STPG2: variants seen among roughly 807,000 people sequenced by gnomAD.
STPG2 encodes sperm tail PG-rich repeat containing 2.
A neutral mutation model predicts 54.2 loss-of-function variants in STPG2; 56 were observed. That is an observed-to-expected ratio of 1.03 (90% CI 0.83 to 1.29). The LOEUF (loss-of-function observed/expected upper bound fraction) is 1.29, where lower values mean the gene tolerates loss of function less well. Ranked by LOEUF, STPG2 falls within the 50% of genes most tolerant of loss-of-function variation. The probability of loss-of-function intolerance (pLI) is 0.00; values close to 1 mark genes in which losing one functional copy is unlikely to be tolerated. For missense variants in STPG2, 596 were observed against 544.9 expected, an observed-to-expected ratio of 1.09 and a Z score of -0.93; for synonymous variants, 200 against 181.8, an observed-to-expected ratio of 1.10 and a Z score of -0.81.
At chr4:97,848,283 A>G (rs1352934075) in intron 8 of STPG2, among the ~76,000 whole-genome samples, 3 of 152,220 alleles carry the variant, frequency 2.0e-5, no homozygotes. Context: ...ACATAAACAT[A>G]AATAGCACAC....
chr4:97,720,882 C>T (rs145120357), intron 9 of STPG2, among the ~76,000 whole-genome samples: 2,776 of 151,958 alleles, frequency 0.018, 35 homozygotes, highest in Non-Finnish European at 0.027. Context: ...GAGTTAAATG[C>T]TATTTTTCTA....
At chr4:97,629,017 C>T (rs540932142) in intron 10 of STPG2, among the ~76,000 whole-genome samples, 1 of 151,850 alleles carries the variant, frequency 6.6e-6, no homozygotes, top group African/African-American at 2.4e-5. Flanking sequence ...CTTTAAATAT[C>T]ACTACTATCT....
Position 97,482,446 on chromosome 4 carries a change from T to A in STPG2, c.462+230253A>T, listed in dbSNP as rs145707623. Among the ~76,000 whole-genome samples, 637 of 151,510 alleles carry A rather than the reference T, an allele frequency of 4.2e-3. 3 individuals are homozygous for A. Among genetic ancestry groups the A allele is most frequent in the South Asian group, 0.02 (97 of 4,806 alleles). ...TGTCTAAGAAATAGAATTGAATGAG[T>A]AGAATAAAGAAATTCAGAGCTCAAA... On this transcript the variant is annotated intron_variant, in intron 4 of 4. Coordinates refer to the STPG2 transcript ENST00000522676.
chr4:97,457,471 A>G (rs1411273022), intron 4 of STPG2, among the ~76,000 whole-genome samples: 1 of 152,214 alleles, frequency 6.6e-6, no homozygotes, highest in Non-Finnish European at 1.5e-5. Flanking sequence ...TTAACTAGGA[A>G]CATTCCCCTT....
intron 10 of STPG2, among the ~76,000 whole-genome samples, chr4:97,577,766 C>G (rs1054383015): frequency 6.6e-6 from 1 of 152,084 alleles, no homozygotes; most frequent in Non-Finnish European, 1.5e-5. Flanking sequence ...CTTTTTCTTT[C>G]TTTTCACATC....
chr4:97,743,806 A>G (rs1421281898), intron 9 of STPG2, among the ~76,000 whole-genome samples: 1 of 151,574 alleles, frequency 6.6e-6, no homozygotes, highest in East Asian at 1.9e-4. Flanking sequence ...TGCTTGGAAG[A>G]ATGGGAAAAA....
chr4:97,839,840 T>TA (rs1486892833), intron 9 of STPG2, among the ~76,000 whole-genome samples: 4 of 151,836 alleles, frequency 2.6e-5, no homozygotes, highest in Non-Finnish European at 5.9e-5. Flanking sequence ...AGTTTTTCAT[T>TA]AAAAACTTTG....
chr4:97,838,106 A>T (rs988147317), intron 9 of STPG2, among the ~76,000 whole-genome samples: 1 of 151,618 alleles, frequency 6.6e-6, no homozygotes, highest in Non-Finnish European at 1.5e-5. Context: ...GTGTACACAC[A>T]TATATACATA....
intron 5 of STPG2, among the ~76,000 whole-genome samples, chr4:97,994,000 T>C (rs569698731): frequency 4.0e-4 from 61 of 152,196 alleles, no homozygotes; most frequent in Non-Finnish European, 8.4e-4. Flanking sequence ...ATCTCACTAA[T>C]GATCTATTAA....
chr4:97,928,316 C>G (rs1732410600), intron 8 of STPG2, among the ~76,000 whole-genome samples: 3 of 152,090 alleles, frequency 2.0e-5, no homozygotes, highest in Admixed American at 2.0e-4. Flanking sequence ...GTATTGTGTA[C>G]TCCTTACTTT....
intron 10 of STPG2, 117 bp from the exon 11 acceptor site, chr4:97,559,234 T>C (rs1732159704): frequency 1.5e-6 from 1 of 680,484 alleles, no homozygotes; most frequent in Non-Finnish European, 2.5e-6. Flanking sequence ...AGAAGTTAAA[T>C]ATATAAAATG....
chr4:97,993,065 T>C (rs536741036), intron 5 of STPG2, among the ~76,000 whole-genome samples: 1 of 152,302 alleles, frequency 6.6e-6, no homozygotes, highest in South Asian at 2.1e-4. Context: ...CCAATTTGGA[T>C]ACCCTTTATT....
intron 5 of STPG2, among the ~76,000 whole-genome samples, chr4:98,006,977 C>T (rs921745966): frequency 1.8e-4 from 28 of 152,088 alleles, no homozygotes; most frequent in Admixed American, 2.0e-4. Context: ...CTGGCAACTG[C>T]CCCCCAGATC....
intron 9 of STPG2, among the ~76,000 whole-genome samples, chr4:97,822,398 C>G (rs764417139): frequency 1.3e-5 from 2 of 152,210 alleles, no homozygotes; most frequent in African/African-American, 2.4e-5. Context: ...TTTTCCTCAT[C>G]TTTCTGTCTT....
chr4:98,089,877 C>T (rs536946835), intron 5 of STPG2, among the ~76,000 whole-genome samples: 1 of 151,984 alleles, frequency 6.6e-6, no homozygotes, highest in South Asian at 2.1e-4. Flanking sequence ...ATGTCCTTTG[C>T]CCCCCTTTTG....
At chr4:97,451,083 T>G (rs970945120) in intron 4 of STPG2, among the ~76,000 whole-genome samples, 1 of 152,114 alleles carries the variant, frequency 6.6e-6, no homozygotes, top group Non-Finnish European at 1.5e-5. Flanking sequence ...TATCTACAAA[T>G]AGACTACTGA....
intron 7 of STPG2, among the ~76,000 whole-genome samples, chr4:97,948,521 T>C (rs190304631): frequency 9.2e-4 from 140 of 152,208 alleles, no homozygotes; most frequent in Admixed American, 2.0e-3. Context: ...TGTCAGTTTG[T>C]GGTCTTTCAG....
At chr4:97,939,176 C>T (rs1031139577) in intron 8 of STPG2, among the ~76,000 whole-genome samples, 9 of 151,906 alleles carry the variant, frequency 5.9e-5, no homozygotes, top group African/African-American at 1.7e-4. Context: ...TCCAAGGATG[C>T]GTTTGGTATG....
Position 97,559,085 on chromosome 4 carries a change from A to C in STPG2, c.1353T>G (p.Ile451Met). 6.2e-7 allele frequency: 1 copy of C among 1,604,292 alleles called. No homozygotes were observed. Among genetic ancestry groups the C allele is most frequent in the African/African-American group, 1.3e-5 (1 of 74,596 alleles). Residue 451 changes from isoleucine to methionine, a missense_variant, in exon 11 of 11, where the codon ATT (isoleucine) becomes ATG (methionine). Physicochemically the swap from Ile to Met is conservative, Grantham distance 10. Coordinates refer to ENST00000295268, the MANE Select transcript of STPG2 (RefSeq NM_174952.3). ...ISQEKKKGNL[I>M]GEMAADIM ...ACATTATATCAGCAGCCATTTCACCAATGAGATTTCCTTTCTTTTTCTCCT... is the reference window on the plus strand; with the variant it reads ...ACATTATATCAGCAGCCATTTCACCCATGAGATTTCCTTTCTTTTTCTCCT...
Sources: allele counts gnomAD v4.1 joint callset (sites outside exome capture counted in the v4.1 genomes callset), GRCh38; gene constraint gnomAD v4.1.1; transcripts MANE v1.5; gene names NCBI Gene and HGNC (gene_info 2026-07-23, HGNC 2026-07-21).